The following RRAGD variants were observed in gnomAD, a reference collection of about 807,000 sequenced individuals.
The protein encoded by RRAGD is ras-related GTP-binding protein D.
In RRAGD, 12 loss-of-function variants were observed where a neutral mutation model predicts 35.5. That is an observed-to-expected ratio of 0.34 (90% CI 0.22 to 0.55). The LOEUF (loss-of-function observed/expected upper bound fraction) is 0.55. Among genes scored for constraint, RRAGD ranks in the 20% least tolerant of loss-of-function variants. The probability of loss-of-function intolerance (pLI) is 0.91; values close to 1 mark genes in which losing one functional copy is unlikely to be tolerated. For missense variants in RRAGD, 324 were observed against 490.1 expected (o/e 0.66, Z 3.20); for synonymous variants, 155 against 178.9 (o/e 0.87, Z 1.07).
chr6:89,405,219 C>T (rs769468885), intron 1 of RRAGD, among the ~76,000 whole-genome samples: 1 of 151,736 alleles, frequency 6.6e-6, no homozygotes, highest in African/African-American at 2.4e-5. Flanking sequence ...CCAGGTGTGG[C>T]AGCGTGCGCC....
At chr6:89,377,890 C>T (rs1768973548) in intron 4 of RRAGD, 77 bp from the exon 5 acceptor site, 2 of 1,042,502 alleles carry the variant, frequency 1.9e-6, no homozygotes, top group African/African-American at 1.6e-5. Flanking sequence ...AAATTGAATG[C>T]CATTCTTAAT....
Position 89,367,928 on chromosome 6 carries a change from A to ATT in RRAGD, c.*126_*127dup, listed in dbSNP as rs142744016. 2,468 of 715,110 alleles carry ATT rather than the reference A, an allele frequency of 3.5e-3. No individual in the cohort carries two copies. Among genetic ancestry groups the ATT allele is most frequent in the South Asian group, 4.5e-3 (108 of 24,142 alleles). 44.3% of individuals were successfully genotyped at this position (715,110 alleles called of 1,614,324 possible). A position where few individuals can be genotyped will look rare whatever the true frequency, so the allele number is the denominator to read the frequency against. ...AGAGAAGATCAAGAGGGTTGCAGGA[A>ATT]TTTTTTTTTTTTAACAACAAATCAA... On this transcript the variant is annotated 3_prime_UTR_variant, in exon 7 of 7. Coordinates refer to ENST00000369415, the MANE Select transcript of RRAGD (RefSeq NM_021244.5).
At chr6:89,396,728 ATTTTTTTTTTTTTTTTTT>A (rs1160973684) in intron 1 of RRAGD, among the ~76,000 whole-genome samples, 15 of 76,392 alleles carry the variant, frequency 2.0e-4, no homozygotes, top group Non-Finnish European at 3.2e-4. Flanking sequence ...CAATGACCCA[ATTTTTTTTTTTTTTTTTT>A]TTTTTTTTTT....
intron 5 of RRAGD, among the ~76,000 whole-genome samples, chr6:89,376,951 G>A (rs1355758966): frequency 6.6e-6 from 1 of 152,146 alleles, no homozygotes; most frequent in Non-Finnish European, 1.5e-5. Flanking sequence ...CCACTCCTAA[G>A]ACAGCAAAAT....
In RRAGD at chr6:89,411,895, G is replaced by A. The variant is rs1769705156; in HGVS notation, c.99C>T (p.Asp33=). ...DELVGLADYG[D]GPDSSDADPD... ...GATCGGCGTCGGAGGAGTCGGGCCC[G>A]TCTCCGTAGTCCGCTAGCCCCACCA... Residue 33 remains aspartate (D), a synonymous_variant, in exon 1 of 7, where the codon GAC becomes GAT. Coordinates refer to ENST00000369415, the MANE Select transcript of RRAGD (RefSeq NM_021244.5). The surrounding 1 kb of genome is among the most constrained non-coding windows in gnomAD (Gnocchi z 5.6). 2 of 1,545,872 alleles carry A rather than the reference G, an allele frequency of 1.3e-6. No individual in the cohort carries two copies. The highest frequency in any genetic ancestry group is 2.7e-5 in the African/African-American group (2 of 73,022).
chr6:89,367,991 G>T lies in RRAGD; in HGVS notation c.*65C>A. The stretch of plus-strand genomic sequence containing the variant: ...CAATCTCCTTCTTCCTCTTCCTTTA[G>T]TGCAACATGGCGCAGCAGCCTCATG... On this transcript the variant is annotated 3_prime_UTR_variant, in exon 7 of 7. Coordinates refer to ENST00000369415, the MANE Select transcript of RRAGD (RefSeq NM_021244.5). 1 of 1,405,290 alleles carries T rather than the reference G, an allele frequency of 7.1e-7. No individual in the cohort carries two copies. Among genetic ancestry groups the T allele is most frequent in the Non-Finnish European group, 9.6e-7 (1 of 1,046,266 alleles). 87.1% of individuals were successfully genotyped at this position (1,405,290 alleles called of 1,614,324 possible). A position where few individuals can be genotyped will look rare whatever the true frequency, so the allele number is the denominator to read the frequency against.
intron 1 of RRAGD, among the ~76,000 whole-genome samples, chr6:89,406,132 A>G (rs1019190210): frequency 6.6e-6 from 1 of 152,228 alleles, no homozygotes; most frequent in African/African-American, 2.4e-5. Context: ...AAAAAACATG[A>G]TAAATACCAC....
intron 5 of RRAGD, 134 bp from the exon 6 acceptor site, chr6:89,372,719 A>C (rs1434686273): frequency 1.3e-6 from 1 of 798,120 alleles, no homozygotes; most frequent in Non-Finnish European, 1.9e-6. Flanking sequence ...GCCTTTCAGC[A>C]AAAGAGCTCA....
intron 6 of RRAGD, among the ~76,000 whole-genome samples, 172 bp downstream of exon 6, chr6:89,372,265 C>T (rs958514128): frequency 2.0e-5 from 3 of 152,236 alleles, no homozygotes; most frequent in Admixed American, 1.3e-4. Flanking sequence ...CAGAAGCTGA[C>T]ACTGGGGGCA....
intron 2 of RRAGD, 139 bp downstream of exon 2, chr6:89,387,156 G>T: frequency 1.2e-6 from 1 of 839,414 alleles, no homozygotes; most frequent in Non-Finnish European, 1.8e-6. Flanking sequence ...TTTAACTTTG[G>T]CAAAGTCTGA....
chr6:89,377,862 C>A, intron 4 of RRAGD, 49 bp from the exon 5 acceptor site: 1 of 1,454,462 alleles, frequency 6.9e-7, no homozygotes, highest in African/African-American at 1.4e-5. Flanking sequence ...CAACTTCAGA[C>A]CATGTCATGA....
intron 5 of RRAGD, among the ~76,000 whole-genome samples, chr6:89,374,833 G>T (rs1242582416): frequency 6.6e-6 from 1 of 151,920 alleles, no homozygotes; most frequent in Non-Finnish European, 1.5e-5. Flanking sequence ...CCTTTTAAGT[G>T]CTGGACATCA....
Position 89,411,735 on chromosome 6 carries a change from T to A in RRAGD, c.148+111A>T. On this transcript the variant is annotated intron_variant, in intron 1 of 6. Transcript: ENST00000369415. This position sits in a 1 kb window ranked among gnomAD's most constrained non-coding sequence, Gnocchi z 5.6. ...ACCCCAAACCCTCAACTGGACCCGC[T>A]CCCCTGGACCCCCTCCAAGTCGGTG... The A allele has an allele frequency of 1.7e-6, 2 of 1,193,380 alleles. No homozygotes were observed. The highest frequency in any genetic ancestry group is 2.3e-6 in the Non-Finnish European group (2 of 874,340). The allele number at this position is 1,193,380 out of a possible 1,614,324, so 73.9% of individuals were successfully genotyped here. A position where few individuals can be genotyped will look rare whatever the true frequency, so the allele number is the denominator to read the frequency against.
At chr6:89,405,098 C>T (rs986706192) in intron 1 of RRAGD, among the ~76,000 whole-genome samples, 4 of 152,028 alleles carry the variant, frequency 2.6e-5, no homozygotes, top group Non-Finnish European at 4.4e-5. Context: ...CACCTGTAAT[C>T]CCAGCACTTT....
At chr6:89,373,638 A>T (rs1009594146) in intron 5 of RRAGD, among the ~76,000 whole-genome samples, 12 of 150,366 alleles carry the variant, frequency 8.0e-5, no homozygotes, top group Non-Finnish European at 1.5e-4. Flanking sequence ...AAAAAAAAAG[A>T]TATATAGGTC....
Position 89,366,065 on chromosome 6 carries a change from T to C in RRAGD, c.*1991A>G, listed in dbSNP as rs1489447764. ...GAGTAGGAATCATGAGGAAAGGAGT[T>C]AGGGCACCTTAATTATTTTTAGAAA... is the stretch of plus-strand genomic sequence containing the variant. On this transcript the variant is annotated 3_prime_UTR_variant, in exon 7 of 7. Transcript: ENST00000369415. 6.6e-6 allele frequency: 1 copy of C among 152,224 alleles called. No homozygotes were observed. Among genetic ancestry groups the C allele is most frequent in the Non-Finnish European group, 1.5e-5 (1 of 68,042 alleles). 9.4% of individuals were successfully genotyped at this position (152,224 alleles called of 1,614,324 possible).
In RRAGD at chr6:89,412,197, C is replaced by CCCCCG; in HGVS notation, c.-209_-205dup. 1 of 334,834 alleles carries CCCCCG rather than the reference C, an allele frequency of 3.0e-6. No individual in the cohort carries two copies. The highest frequency in any genetic ancestry group is 8.3e-4 in the Middle Eastern group (1 of 1,202). The allele number at this position is 334,834 out of a possible 1,614,324, so 20.7% of individuals were successfully genotyped here. ...GTTCCCAGCGCGCCCGAAGCCCCCT[C>CCCCCG]CCCCGCCCCGCCCGCCGGCGGAGGA... On this transcript the variant is annotated 5_prime_UTR_variant, in exon 1 of 7. Coordinates refer to ENST00000369415, the MANE Select transcript of RRAGD (RefSeq NM_021244.5). The surrounding 1 kb of genome is among the most constrained non-coding windows in gnomAD (Gnocchi z 4.2).
chr6:89,405,178 G>A (rs986433483), intron 1 of RRAGD, among the ~76,000 whole-genome samples: 17 of 151,630 alleles, frequency 1.1e-4, no homozygotes, highest in African/African-American at 1.2e-4. Flanking sequence ...GTGAAAACCC[G>A]TCTCTACTAA....
At chr6:89,402,038 A>ATTTTTTTTTTTTCTTTTTT (rs61239155) in intron 1 of RRAGD, among the ~76,000 whole-genome samples, 3 of 78,438 alleles carry the variant, frequency 3.8e-5, no homozygotes, top group African/African-American at 1.9e-4. Flanking sequence ...AATCCTAAGG[A>ATTTTTTTTTTTTCTTTTTT]TTTTTTTTTT....
Sources: allele counts gnomAD v4.1 joint callset (sites outside exome capture counted in the v4.1 genomes callset), GRCh38; gene constraint gnomAD v4.1.1; non-coding constraint Gnocchi (gnomAD v3.1); transcripts MANE v1.5; gene names NCBI Gene and HGNC (gene_info 2026-07-23, HGNC 2026-07-21).